Variants in PRSS23 observed in about 807,000 individuals in gnomAD.
The protein encoded by PRSS23 is protease, serine 23.
A neutral mutation model predicts 34.7 loss-of-function variants in PRSS23; 25 were observed. The observed-to-expected ratio is 0.72, with a 90% CI of 0.53 to 1.01. The LOEUF is 1.01. Among genes scored for constraint, PRSS23 ranks in the 50% least tolerant of loss-of-function variants. The pLI, the probability that PRSS23 is intolerant of heterozygous loss-of-function variation, is 0.00. For missense variants in PRSS23, 445 were observed against 475.6 expected, an observed-to-expected ratio of 0.94 and a Z score of 0.60; for synonymous variants, 176 against 186.6, an observed-to-expected ratio of 0.94 and a Z score of 0.46.
Position 86,810,648 on chromosome 11 carries a change from A to T in PRSS23, c.*1853A>T, listed in dbSNP as rs72969438. 115 of 167,070 alleles carry T rather than the reference A, an allele frequency of 6.9e-4. No homozygotes were observed. Among genetic ancestry groups the T allele is most frequent in the African/African-American group, 2.5e-3 (102 of 41,534 alleles). The allele number at this position is 167,070 out of a possible 1,614,324, so 10.3% of individuals were successfully genotyped here. The stretch of plus-strand genomic sequence containing the variant: ...CACCAAGACCAGAATGGATTTTTTT[A>T]AAAAAATAGATGTTCCTTTTGTGAA... On this transcript the variant is annotated 3_prime_UTR_variant, in exon 2 of 2. Transcript: ENST00000280258.
At chr11:86,848,408 T>G (rs1334914388) in intron 2 of PRSS23, among the ~76,000 whole-genome samples, 7 of 152,190 alleles carry the variant, frequency 4.6e-5, no homozygotes. Flanking sequence ...TAAATCCTTA[T>G]TGGGATACTG....
At chr11:86,870,465 G>A (rs757654895) in intron 2 of PRSS23, among the ~76,000 whole-genome samples, 1 of 152,190 alleles carries the variant, frequency 6.6e-6, no homozygotes, top group Non-Finnish European at 1.5e-5. Context: ...AGAGATGGGG[G>A]TGAGCTAGAA....
At chr11:86,830,065 T>G (rs1423422093) in intron 2 of PRSS23, among the ~76,000 whole-genome samples, 2 of 151,854 alleles carry the variant, frequency 1.3e-5, no homozygotes, top group Non-Finnish European at 2.9e-5. Context: ...ACTGCTGTCT[T>G]TTTGTTTGTC....
At chr11:86,910,753 T>C (rs941632345) in intron 2 of PRSS23, 5 of 152,308 alleles carry the variant, frequency 3.3e-5, no homozygotes, top group African/African-American at 7.2e-5. Flanking sequence ...GTTGGTTCTA[T>C]GACAATACTT....
At chr11:86,919,500 G>A (rs1044552670) in intron 2 of PRSS23, among the ~76,000 whole-genome samples, 2 of 152,018 alleles carry the variant, frequency 1.3e-5, no homozygotes, top group African/African-American at 4.8e-5. Context: ...CTAATTGAAA[G>A]CCATTGTCTT....
At chr11:86,815,074 T>G (rs764460512), downstream of PRSS23, among the ~76,000 whole-genome samples, 2 of 152,172 alleles carry the variant, frequency 1.3e-5, no homozygotes, top group Non-Finnish European at 2.9e-5. Flanking sequence ...AAGACTGAAG[T>G]GTTTGCCTTG....
chr11:86,814,392 A>G (rs1450628780), downstream of PRSS23, among the ~76,000 whole-genome samples: 2 of 152,044 alleles, frequency 1.3e-5, no homozygotes, highest in African/African-American at 4.8e-5. Flanking sequence ...GCAGTAAGGA[A>G]GCTGGTAAGA....
intron 2 of PRSS23, among the ~76,000 whole-genome samples, chr11:86,866,004 C>G (rs1228115911): frequency 6.6e-6 from 1 of 152,158 alleles, no homozygotes; most frequent in Non-Finnish European, 1.5e-5. Context: ...GGGAGTCACG[C>G]TTCATATTGC....
At chr11:86,891,315 C>A (rs924299319) in intron 2 of PRSS23, among the ~76,000 whole-genome samples, 1 of 152,192 alleles carries the variant, frequency 6.6e-6, no homozygotes, top group Non-Finnish European at 1.5e-5. Flanking sequence ...GGTTTTATTG[C>A]CCCCTCAGTA....
intron 2 of PRSS23, among the ~76,000 whole-genome samples, chr11:86,939,433 A>AAAATATATATATATATATATATATATAT (rs1565392858): frequency 2.1e-5 from 1 of 48,116 alleles, no homozygotes; most frequent in Non-Finnish European, 6.0e-5. Context: ...TATATTTTTT[A>AAAATATATATATATATATATATATATAT]ACATGAGTAA....
At chr11:86,864,233 T>TC (rs1461885359) in intron 2 of PRSS23, among the ~76,000 whole-genome samples, 5 of 149,256 alleles carry the variant, frequency 3.3e-5, no homozygotes, top group Non-Finnish European at 7.4e-5. Context: ...TTTTTTTTTT[T>TC]CCCCAAAGAC....
chr11:86,845,059 G>C (rs1249008980), intron 2 of PRSS23, among the ~76,000 whole-genome samples: 1 of 150,896 alleles, frequency 6.6e-6, no homozygotes, highest in East Asian at 1.9e-4. Context: ...TTGCACTTCA[G>C]CCTGGGTAAC....
intron 2 of PRSS23, among the ~76,000 whole-genome samples, chr11:86,885,132 T>TTAAA (rs1200442264): frequency 6.6e-6 from 1 of 152,220 alleles, no homozygotes; most frequent in East Asian, 1.9e-4. Context: ...TATTCGGTGA[T>TTAAA]TAAATCTCCA....
At chr11:86,829,375 T>C (rs1357199870) in intron 2 of PRSS23, among the ~76,000 whole-genome samples, 2 of 152,202 alleles carry the variant, frequency 1.3e-5, no homozygotes, top group African/African-American at 4.8e-5. Context: ...CTGTATTGGT[T>C]ATTCTAGTTA....
intron 2 of PRSS23, among the ~76,000 whole-genome samples, chr11:86,904,653 G>A (rs761627606): frequency 6.6e-6 from 1 of 152,144 alleles, no homozygotes; most frequent in Non-Finnish European, 1.5e-5. Flanking sequence ...CTGTAGGCCG[G>A]ATAGCCTCTG....
At chr11:86,880,698 A>G (rs1254951195) in intron 2 of PRSS23, among the ~76,000 whole-genome samples, 2 of 151,910 alleles carry the variant, frequency 1.3e-5, no homozygotes, top group East Asian at 1.9e-4. Flanking sequence ...CCCTGTGTCC[A>G]TGTGTTCTCA....
At chr11:86,821,395 G>A (rs1235072385) in intron 1 of PRSS23, 2 of 1,328,754 alleles carry the variant, frequency 1.5e-6, no homozygotes, top group Non-Finnish European at 2.1e-6. Flanking sequence ...TGCTAACCCT[G>A]CTGGGAAAAC....
rs1347691976 is a variant in PRSS23, at chr11:86,888,109, GTT to G, written c.207-63100_207-63099del. Among the ~76,000 whole-genome samples the G allele has an allele frequency of 2.9e-4, 35 of 119,886 alleles. No homozygotes were observed. In the South Asian group the frequency reaches 3.5e-3, roughly 12 times the overall value. 78.6% of individuals were successfully genotyped at this position (119,886 alleles called of 152,430 possible). On this transcript the variant is annotated intron_variant, in intron 2 of 2. Transcript: ENST00000533902. ...CACAATGTTACTGAGCATCAAGTTG[GTT>G]TTTTTTAAAAAAAAACAAAACAAAA... is the stretch of plus-strand genomic sequence containing the variant.
intron 2 of PRSS23, among the ~76,000 whole-genome samples, chr11:86,894,824 A>G (rs547794599): frequency 2.0e-5 from 3 of 152,088 alleles, no homozygotes; most frequent in East Asian, 1.9e-4. Context: ...CCTTATCACT[A>G]TTTGTGTATA....
Sources: gnomAD v4.1 joint callset for allele counts (sites outside exome capture counted in the v4.1 genomes callset) on GRCh38, gnomAD v4.1.1 for gene constraint, MANE v1.5 for transcripts, NCBI Gene and HGNC (gene_info 2026-07-23, HGNC 2026-07-21) for gene names.